Variants in CD58 observed in about 807,000 individuals in gnomAD.
The protein encoded by CD58 is CD58 molecule.
CD58 carries 14 observed loss-of-function variants against 27.6 expected under a neutral mutation model. The observed-to-expected ratio is 0.51, with a 90% CI of 0.34 to 0.79. CD58 has a LOEUF of 0.79. Ranked by LOEUF, CD58 falls within the 30% of genes least tolerant of loss-of-function variation. CD58 has a pLI of 0.02. For missense variants in CD58, 268 were observed against 301.7 expected (o/e 0.89, Z 0.83); for synonymous variants, 117 against 103.8 (o/e 1.13, Z -0.77).
rs76307353 is a variant in CD58, at chr1:116,538,832, A to G, written c.365-2604T>C. 3.4e-3 allele frequency among the ~76,000 whole-genome samples: 512 copies of G among 152,344 alleles called. 2 individuals carry two copies. Among genetic ancestry groups the G allele is most frequent in the African/African-American group, 9.5e-3 (393 of 41,582 alleles). ...TGGCTCCTCACAAGCAGTACAGGAC[A>G]GATGGGGAGACAGATGGATAGAAGG... On this transcript the variant is annotated intron_variant, in intron 2 of 5. Coordinates refer to ENST00000369489, the MANE Select transcript of CD58 (RefSeq NM_001779.3). This position sits in a 1 kb window ranked among gnomAD's most constrained non-coding sequence, Gnocchi z 4.7.
chr1:116,560,296 T>G (rs1222031219), intron 1 of CD58, among the ~76,000 whole-genome samples: 1 of 152,206 alleles, frequency 6.6e-6, no homozygotes, highest in Non-Finnish European at 1.5e-5. Context: ...TTAGATAGGA[T>G]ACAGCTGAGA....
rs1658614859 is a variant in CD58 at position 116,557,903 on chromosome 1, G to C, written c.70+13000C>G. Among the ~76,000 whole-genome samples, 1 of 151,948 alleles carries C rather than the reference G, an allele frequency of 6.6e-6. No individual in the cohort carries two copies. The highest frequency in any genetic ancestry group is 1.5e-5 in the Non-Finnish European group (1 of 67,976). ...TGCTCAGGCTGATCTCAAACTCGTGGGCTCAAGTGATCCTCCTCCCTGGGC... is the reference window on the plus strand; with the variant it reads ...TGCTCAGGCTGATCTCAAACTCGTGCGCTCAAGTGATCCTCCTCCCTGGGC... On this transcript the variant is annotated intron_variant, in intron 1 of 5. Transcript: ENST00000369489. This position sits in a 1 kb window ranked among gnomAD's most constrained non-coding sequence, Gnocchi z 5.2.
rs1301081187 is a variant in CD58 at position 116,570,176 on chromosome 1, G to C, written c.70+727C>G. ...CTGGGGCCAATGTGTGGAGGGTGAA[G>C]GAGGATGGGGAGGCAAAATGGGAAG... On this transcript the variant is annotated intron_variant, in intron 1 of 5. Coordinates refer to ENST00000369489, the MANE Select transcript of CD58 (RefSeq NM_001779.3). This position sits in a 1 kb window ranked among gnomAD's most constrained non-coding sequence, Gnocchi z 6.4. Among the ~76,000 whole-genome samples, 1 of 152,216 alleles carries C rather than the reference G, an allele frequency of 6.6e-6. No individual in the cohort carries two copies. Among genetic ancestry groups the C allele is most frequent in the East Asian group, 1.9e-4 (1 of 5,194 alleles).
chr1:116,532,838 C>A lies in CD58; in HGVS notation c.628+3127G>T, dbSNP rs1332974394. ...TGAAAACGATTAGATGGAGTAAGCG[C>A]TGTCGACGGGATTGTGCCGCATGCG... On this transcript the variant is annotated intron_variant, in intron 3 of 5. Coordinates refer to ENST00000369489, the MANE Select transcript of CD58 (RefSeq NM_001779.3). The surrounding 1 kb of genome is among the most constrained non-coding windows in gnomAD (Gnocchi z 5.1). 4 of 590,316 alleles carry A rather than the reference C, an allele frequency of 6.8e-6. No individual in the cohort carries two copies. The East Asian group carries it at 1.3e-4, about 19-fold the overall frequency. 36.6% of individuals were successfully genotyped at this position (590,316 alleles called of 1,614,324 possible). A position where few individuals can be genotyped will look rare whatever the true frequency, so the allele number is the denominator to read the frequency against.
Position 116,519,019 on chromosome 1 carries a change from T to G in CD58, c.743+212A>C. The G allele has an allele frequency of 8.5e-7, 1 of 1,174,212 alleles. No homozygotes were observed. Among genetic ancestry groups the G allele is most frequent in the South Asian group, 1.7e-5 (1 of 59,338 alleles). The allele number at this position is 1,174,212 out of a possible 1,614,324, so 72.7% of individuals were successfully genotyped here. A position where few individuals can be genotyped will look rare whatever the true frequency, so the allele number is the denominator to read the frequency against. ...CCTCCTGCAAGGCTCATTGAGAGGG[T>G]TCCAGGAAACGATATGCAGAGAGTG... On this transcript the variant is annotated intron_variant, in intron 5 of 5. Coordinates refer to ENST00000369489, the MANE Select transcript of CD58 (RefSeq NM_001779.3). This position sits in a 1 kb window ranked among gnomAD's most constrained non-coding sequence, Gnocchi z 4.7.
At chr1:116,558,617 A>T (rs1159019616) in intron 1 of CD58, among the ~76,000 whole-genome samples, 1 of 152,242 alleles carries the variant, frequency 6.6e-6, no homozygotes, top group East Asian at 1.9e-4. Context: ...TTGGGGGTAG[A>T]AAATGTGCTT....
Position 116,532,843 on chromosome 1 carries a change from G to A in CD58, c.628+3122C>T. 1.7e-6 allele frequency: 1 copy of A among 601,880 alleles called. No individual in the cohort carries two copies. Among genetic ancestry groups the A allele is most frequent in the East Asian group, 3.2e-5 (1 of 31,592 alleles). 37.3% of individuals were successfully genotyped at this position (601,880 alleles called of 1,614,324 possible). A position where few individuals can be genotyped will look rare whatever the true frequency, so the allele number is the denominator to read the frequency against. ...ACGATTAGATGGAGTAAGCGCTGTC[G>A]ACGGGATTGTGCCGCATGCGGCAAA... On this transcript the variant is annotated intron_variant, in intron 3 of 5. Transcript: ENST00000369489. The surrounding 1 kb of genome is among the most constrained non-coding windows in gnomAD (Gnocchi z 5.1).
At chr1:116,529,362 C>G (rs1265324620) in intron 3 of CD58, among the ~76,000 whole-genome samples, 2 of 152,224 alleles carry the variant, frequency 1.3e-5, no homozygotes, top group Non-Finnish European at 2.9e-5. Flanking sequence ...GAGCATGACA[C>G]AAAGGCAAGA....
chr1:116,540,470 T>A (rs1358611486), intron 2 of CD58, among the ~76,000 whole-genome samples: 2 of 152,230 alleles, frequency 1.3e-5, no homozygotes, highest in Non-Finnish European at 1.5e-5. Context: ...GGACCCTCTA[T>A]CTACCTGGAT....
At chr1:116,540,951 A>G (rs1657970726) in intron 2 of CD58, among the ~76,000 whole-genome samples, 1 of 152,148 alleles carries the variant, frequency 6.6e-6, no homozygotes, top group African/African-American at 2.4e-5. Flanking sequence ...CTGGGACTAC[A>G]GGCATGCACC....
Position 116,521,570 on chromosome 1 carries a change from C to T in CD58, c.706+336G>A, listed in dbSNP as rs1657262957. Among the ~76,000 whole-genome samples the T allele has an allele frequency of 6.6e-6, 1 of 152,160 alleles. No homozygotes were observed. Among genetic ancestry groups the T allele is most frequent in the Non-Finnish European group, 1.5e-5 (1 of 68,040 alleles). ...ACATGAAAATTACAGAGGTGGCAGC[C>T]TAAAGAGGTCTTTAGCAAACTCTGA... On this transcript the variant is annotated intron_variant, in intron 4 of 5. Coordinates refer to ENST00000369489, the MANE Select transcript of CD58 (RefSeq NM_001779.3). This position sits in a 1 kb window ranked among gnomAD's most constrained non-coding sequence, Gnocchi z 5.6.
At chr1:116,539,523 G>T (rs143739049) in intron 2 of CD58, among the ~76,000 whole-genome samples, 1 of 152,090 alleles carries the variant, frequency 6.6e-6, no homozygotes, top group African/African-American at 2.4e-5. Flanking sequence ...GAAAAGAAAA[G>T]AAAAGAAAAG....
Position 116,519,094 on chromosome 1 carries a change from T to C in CD58, c.743+137A>G. The C allele has an allele frequency of 6.7e-7, 1 of 1,498,112 alleles. No individual in the cohort carries two copies. Among genetic ancestry groups the C allele is most frequent in the Non-Finnish European group, 8.9e-7 (1 of 1,121,706 alleles). The allele number at this position is 1,498,112 out of a possible 1,614,324, so 92.8% of individuals were successfully genotyped here. A position where few individuals can be genotyped will look rare whatever the true frequency, so the allele number is the denominator to read the frequency against. On this transcript the variant is annotated intron_variant, in intron 5 of 5. Transcript: ENST00000369489. This position sits in a 1 kb window ranked among gnomAD's most constrained non-coding sequence, Gnocchi z 4.7. ...TTGGTACTTAATACACTATGGTTAG[T>C]ATATCTGCTGATGTTACTTCTTATT...
In CD58 at chr1:116,535,967, C is replaced by T. The variant is rs758492590; in HGVS notation, c.626G>A (p.Ser209Asn). 103 of 1,603,500 alleles carry T rather than the reference C, an allele frequency of 6.4e-5. No individual in the cohort carries two copies. The Admixed American group carries it at 1.0e-3, about 16-fold the overall frequency. Residue 209 changes from serine (S) to asparagine (N), a missense_variant and splice_region_variant, in exon 3 of 6, where the codon AGC (serine) becomes AAC (asparagine). Ser to Asn is a conservative substitution (Grantham distance 46, BLOSUM62 1). Transcript: ENST00000369489. ...SIILTTCIPS[S>N]GHSRHRYALI... is the part of the protein sequence containing the mutation. ...GACACATTTAGTTATTTACTCACCG[C>T]TGCTTGGGATACAGGTTGTCAAAAT...
intron 1 of CD58, among the ~76,000 whole-genome samples, chr1:116,560,737 T>C (rs894227250): frequency 1.3e-5 from 2 of 152,190 alleles, no homozygotes; most frequent in Non-Finnish European, 2.9e-5. Context: ...AGCATTTTCC[T>C]TGGAGGCTGA....
intron 2 of CD58, among the ~76,000 whole-genome samples, chr1:116,539,513 G>A (rs1657924340): frequency 6.6e-6 from 1 of 150,676 alleles, no homozygotes; most frequent in Non-Finnish European, 1.5e-5. Flanking sequence ...TTGTAAAAAA[G>A]AAAAGAAAAG....
rs1258422958 is a variant in CD58 at position 116,550,852 on chromosome 1, T to C, written c.71-6248A>G. Among the ~76,000 whole-genome samples the C allele has an allele frequency of 6.6e-6, 1 of 152,196 alleles. No homozygotes were observed. The highest frequency in any genetic ancestry group is 1.5e-5 in the Non-Finnish European group (1 of 68,032). ...CTTGATCCATGGGCTGCAGAATGGATGTTGTATTAGCAAGCATGAAAACAA... is the reference window on the plus strand; with the variant it reads ...CTTGATCCATGGGCTGCAGAATGGACGTTGTATTAGCAAGCATGAAAACAA... On this transcript the variant is annotated intron_variant, in intron 1 of 5. Transcript: ENST00000369489. This position sits in a 1 kb window ranked among gnomAD's most constrained non-coding sequence, Gnocchi z 4.2.
In CD58 at chr1:116,570,936, C is replaced by T; in HGVS notation, c.37G>A (p.Val13Ile). 3.2e-6 allele frequency: 5 copies of T among 1,567,970 alleles called. No individual in the cohort carries two copies. The highest frequency in any genetic ancestry group is 4.3e-6 in the Non-Finnish European group (5 of 1,163,084). Residue 13 changes from valine to isoleucine, a missense_variant, in exon 1 of 6, where the codon GTC (valine) becomes ATC (isoleucine). Transcript: ENST00000369489. This position sits in a 1 kb window ranked among gnomAD's most constrained non-coding sequence, Gnocchi z 6.4. ...AGSDAGRALG[V>I]LSVVCLLHCF... ...TGCAGCAGGCAGACCACGCTGAGGA[C>T]CCCCAGGGCCCGCCCCGCGTCGCTC...
At position 116,541,774 on chromosome 1, in the gene CD58, G is replaced by A. The variant is rs1164321149; in HGVS notation, c.364+2537C>T. ...GGTATACACATAAGGAGCTCGGCGG[G>A]GTACTCTGGGCTAGAGCTCTAGATC... On this transcript the variant is annotated intron_variant, in intron 2 of 5. Transcript: ENST00000369489. This position sits in a 1 kb window ranked among gnomAD's most constrained non-coding sequence, Gnocchi z 5.3. 6.6e-6 allele frequency among the ~76,000 whole-genome samples: 1 copy of A among 152,048 alleles called. No homozygotes were observed.
Sources: gnomAD v4.1 joint callset for allele counts (sites outside exome capture counted in the v4.1 genomes callset) on GRCh38, gnomAD v4.1.1 for gene constraint, Gnocchi (gnomAD v3.1) non-coding constraint, MANE v1.5 for transcripts, NCBI Gene and HGNC (gene_info 2026-07-23, HGNC 2026-07-21) for gene names.